Variants in ZC3H11A observed in about 807,000 individuals in gnomAD.
The protein encoded by ZC3H11A is zinc finger CCCH-type containing 11A, also known as zinc finger CCCH domain-containing protein 11A.
Under a neutral mutation model 90.8 loss-of-function variants are expected in ZC3H11A, and 22 were observed. The ratio of observed to expected loss-of-function variants is 0.24; its 90% CI spans 0.17 to 0.35. The LOEUF is 0.35. Among genes scored for constraint, ZC3H11A ranks in the 10% least tolerant of loss-of-function variants. The pLI is 1.00. For synonymous variants in ZC3H11A, 294 were observed against 339.8 expected (o/e 0.87, Z 1.48); for missense variants, 701 against 964.9 (o/e 0.73, Z 3.62).
intron 2 of ZC3H11A, among the ~76,000 whole-genome samples, chr1:203,811,710 A>T (rs1204968158): frequency 3.3e-5 from 5 of 152,060 alleles, no homozygotes; most frequent in African/African-American, 1.2e-4. Flanking sequence ...GGATTTTGCC[A>T]TGTTGGCCAG....
chr1:203,851,081 G>T lies in ZC3H11A; in HGVS notation c.2131G>T (p.Asp711Tyr). The change falls in exon 17 of 18, where the codon GAC becomes TAC. Residue 711 changes from aspartate to tyrosine, a missense_variant. Physicochemically the swap from Asp to Tyr is radical, Grantham distance 160 (BLOSUM62 -3). Transcript: ENST00000367210. ...AVAVVPLVSE[D>Y]KSVTVPEAEN... ...GGCTGTTGTCCCGCTTGTCTCTGAG[G>T]ACAAATCAGTCACTGTGCCTGAAGC... 1.9e-6 allele frequency: 3 copies of T among 1,614,134 alleles called. No homozygotes were observed. The highest frequency in any genetic ancestry group is 1.7e-6 in the Non-Finnish European group (2 of 1,180,020).
chr1:203,832,798 T>G (rs796705884), intron 9 of ZC3H11A, among the ~76,000 whole-genome samples: 20 of 152,352 alleles, frequency 1.3e-4, no homozygotes, highest in African/African-American at 4.6e-4. Context: ...TGATCAGAGA[T>G]AGTTATATTG....
At chr1:203,823,995 G>T (rs1047690959) in intron 4 of ZC3H11A, among the ~76,000 whole-genome samples, 1 of 152,098 alleles carries the variant, frequency 6.6e-6, no homozygotes, top group African/African-American at 2.4e-5. Flanking sequence ...GAAGCCGGGC[G>T]CCGTGGCTCA....
intron 4 of ZC3H11A, among the ~76,000 whole-genome samples, chr1:203,820,900 C>G (rs1300219267): frequency 6.6e-6 from 1 of 152,112 alleles, no homozygotes; most frequent in Non-Finnish European, 1.5e-5. Context: ...TAAAGGCTTT[C>G]TTTTTGTAAT....
At chr1:203,818,773 T>TA in intron 4 of ZC3H11A, 84 bp downstream of exon 4, 1 of 1,595,936 alleles carries the variant, frequency 6.3e-7, no homozygotes, top group Admixed American at 1.7e-5. Context: ...AAGTGACTTT[T>TA]AAAAAATATA....
At position 203,833,832 on chromosome 1, in the gene ZC3H11A, G is replaced by C; in HGVS notation, c.853G>C (p.Gly285Arg). The C allele has an allele frequency of 1.2e-6, 2 of 1,609,948 alleles. No individual in the cohort carries two copies. Among genetic ancestry groups the C allele is most frequent in the Non-Finnish European group, 1.7e-6 (2 of 1,178,494 alleles). ...LVRLSLTERL[G>R]KRKFSAGGDS... ...TAGATTGAGTCTTACTGAGAGACTG[G>C]GGAAACGAAAATTTTCAGCAGGTAA... is the stretch of plus-strand genomic sequence containing the variant. Residue 285 changes from glycine to arginine, a missense_variant, in exon 10 of 18, where the codon GGG becomes CGG. By Grantham distance (125) the Gly-to-Arg change is moderately radical. Around this residue, in one of 4 missense-constraint regions of ZC3H11A, gnomAD observed 530 missense variants for 696.2 expected, o/e 0.76. Coordinates refer to ENST00000367210, the MANE Select transcript of ZC3H11A (RefSeq NM_001376342.1).
Position 203,798,187 on chromosome 1 carries a change from C to G in ZC3H11A, c.-1588+2393C>G, listed in dbSNP as rs187873517. 1.9e-5 allele frequency: 29 copies of G among 1,536,126 alleles called. No homozygotes were observed. The East Asian group carries it at 7.1e-4, about 38-fold the overall frequency. ...AGCTTTGAATATATTCCTACTGATC[C>G]ATTAGATGATAATAGAATGGGCAAG... On this transcript the variant is annotated intron_variant, in intron 1 of 17. Coordinates refer to ENST00000367210, the MANE Select transcript of ZC3H11A (RefSeq NM_001376342.1).
chr1:203,832,633 T>C (rs1239656603), intron 9 of ZC3H11A, among the ~76,000 whole-genome samples: 1 of 152,166 alleles, frequency 6.6e-6, no homozygotes, highest in African/African-American at 2.4e-5. Flanking sequence ...ATTGCTGGGA[T>C]TATAGGTGTT....
intron 17 of ZC3H11A, among the ~76,000 whole-genome samples, chr1:203,851,753 A>G (rs1689327488): frequency 6.6e-6 from 1 of 152,058 alleles, no homozygotes; most frequent in African/African-American, 2.4e-5. Flanking sequence ...ACTTGAGCTC[A>G]GGAGTTCAAG....
At position 203,852,508 on chromosome 1, in the gene ZC3H11A, C is replaced by T. The variant is rs996470108; in HGVS notation, c.*109C>T. On this transcript the variant is annotated 3_prime_UTR_variant, in exon 18 of 18. Coordinates refer to ENST00000367210, the MANE Select transcript of ZC3H11A (RefSeq NM_001376342.1). ...TCATTTCTTTAGTCTAGAATTTGCC[C>T]CAAATCAGAAGTATACCTCTGAATT... is the stretch of plus-strand genomic sequence containing the variant. 7.7e-7 allele frequency: 1 copy of T among 1,295,724 alleles called. No individual in the cohort carries two copies. Among genetic ancestry groups the T allele is most frequent in the African/African-American group, 1.5e-5 (1 of 66,298 alleles). The allele number at this position is 1,295,724 out of a possible 1,614,324, so 80.3% of individuals were successfully genotyped here. A position where few individuals can be genotyped will look rare whatever the true frequency, so the allele number is the denominator to read the frequency against.
chr1:203,813,208 G>T (rs1020230063), intron 2 of ZC3H11A, among the ~76,000 whole-genome samples: 18 of 150,908 alleles, frequency 1.2e-4, no homozygotes, highest in Admixed American at 1.3e-4. Flanking sequence ...TTTGTTTTTT[G>T]TTTTTTGTTT....
At position 203,802,323 on chromosome 1, in the gene ZC3H11A, A is replaced by T. The variant is rs1313128986; in HGVS notation, c.-839A>T. 1 of 152,604 alleles carries T rather than the reference A, an allele frequency of 6.6e-6. No homozygotes were observed. Among genetic ancestry groups the T allele is most frequent in the Non-Finnish European group, 1.5e-5 (1 of 68,026 alleles). The allele number at this position is 152,604 out of a possible 1,614,324, so 9.5% of individuals were successfully genotyped here. On this transcript the variant is annotated 5_prime_UTR_variant, in exon 2 of 18. It introduces an in-frame stop codon into an upstream open reading frame of the 5' UTR. Coordinates refer to ENST00000367210, the MANE Select transcript of ZC3H11A (RefSeq NM_001376342.1). ...CAATAACTTCATGATACTTTGGTAT[A>T]AGAGTAAGTTCTTTATTTTTATAAT...
intron 12 of ZC3H11A, among the ~76,000 whole-genome samples, chr1:203,843,598 T>C (rs1259837920): frequency 6.6e-6 from 1 of 152,220 alleles, no homozygotes; most frequent in African/African-American, 2.4e-5. Flanking sequence ...CATTGTAGAA[T>C]GAAAGCAGCC....
At chr1:203,806,548 C>A (rs1672409638) in intron 2 of ZC3H11A, among the ~76,000 whole-genome samples, 1 of 152,164 alleles carries the variant, frequency 6.6e-6, no homozygotes, top group African/African-American at 2.4e-5. Flanking sequence ...AGTGATCAGC[C>A]CACCTAGGCC....
chr1:203,840,641 A>G (rs199625539), intron 12 of ZC3H11A, among the ~76,000 whole-genome samples: 1 of 141,342 alleles, frequency 7.1e-6, no homozygotes, highest in African/African-American at 2.6e-5. Context: ...TATTTATTTT[A>G]TTTATTTTTG....
intron 1 of ZC3H11A, chr1:203,797,597 T>C (rs763224545): frequency 6.5e-7 from 1 of 1,534,348 alleles, no homozygotes; most frequent in South Asian, 1.2e-5. Context: ...TTAGTGATTC[T>C]GGGATTCTGG....
At chr1:203,839,782 A>G (rs1558134724) in intron 11 of ZC3H11A, among the ~76,000 whole-genome samples, 1 of 152,012 alleles carries the variant, frequency 6.6e-6, no homozygotes, top group Non-Finnish European at 1.5e-5. Context: ...TCAGATATAA[A>G]GTACGTTTTT....
chr1:203,823,404 A>C (rs1679419417), intron 4 of ZC3H11A, among the ~76,000 whole-genome samples: 1 of 152,218 alleles, frequency 6.6e-6, no homozygotes, highest in African/African-American at 2.4e-5. Flanking sequence ...GAGACTCAGC[A>C]TCCAGGATTT....
rs938414167 is a variant in ZC3H11A at position 203,801,891 on chromosome 1, C to G, written c.-1271C>G. On this transcript the variant is annotated 5_prime_UTR_variant, in exon 2 of 18. Transcript: ENST00000367210. ...GAAATCTCAACTCCAAAAGTTTACC[C>G]TTTTACTAACTGGAGTAAATGTATA... 2.6e-5 allele frequency: 4 copies of G among 152,098 alleles called. No homozygotes were observed. The highest frequency in any genetic ancestry group is 1.3e-4 in the Admixed American group (2 of 15,226). 9.4% of individuals were successfully genotyped at this position (152,098 alleles called of 1,614,324 possible).
Sources: gnomAD v4.1 joint callset for allele counts (sites outside exome capture counted in the v4.1 genomes callset) on GRCh38, gnomAD v4.1.1 for gene constraint, gnomAD v4.1.1 regional missense constraint, MANE v1.5 for transcripts, NCBI Gene and HGNC (gene_info 2026-07-23, HGNC 2026-07-21) for gene names.